Variants in JAK2 observed in about 807,000 individuals in gnomAD.
The protein encoded by JAK2 is tyrosine-protein kinase JAK2.
Under a neutral mutation model 139.3 loss-of-function variants are expected in JAK2, and 86 were observed. The observed-to-expected ratio is 0.62, with a 90% CI of 0.52 to 0.74. The LOEUF (loss-of-function observed/expected upper bound fraction) is 0.74, where lower values mean the gene tolerates loss of function less well. Among genes scored for constraint, JAK2 ranks in the 30% least tolerant of loss-of-function variants. JAK2 has a pLI of 0.00. For synonymous variants in JAK2, 490 were observed against 437.7 expected, an observed-to-expected ratio of 1.12 and a Z score of -1.49; for missense variants, 1,421 against 1,360.3, an observed-to-expected ratio of 1.04 and a Z score of -0.70.
intron 22 of JAK2, among the ~76,000 whole-genome samples, chr9:5,115,516 A>C (rs1823074006): frequency 1.3e-5 from 2 of 152,208 alleles, no homozygotes; most frequent in African/African-American, 4.8e-5. Flanking sequence ...TTCCTCCAGG[A>C]TCCAGAGTTA....
In JAK2 at chr9:5,127,795, T is replaced by C; in HGVS notation, c.*1004T>C. 4.3e-6 allele frequency: 1 copy of C among 232,640 alleles called. No individual in the cohort carries two copies. The highest frequency in any genetic ancestry group is 8.5e-6 in the Non-Finnish European group (1 of 117,298). 14.4% of individuals were successfully genotyped at this position (232,640 alleles called of 1,614,324 possible). ...ATTAAGAAGTGCAGCAGGTTAAGAA[T>C]TTTTTCCTAAAGACTGTATATTTGA... On this transcript the variant is annotated 3_prime_UTR_variant, in exon 25 of 25. Coordinates refer to ENST00000381652, the MANE Select transcript of JAK2 (RefSeq NM_004972.4).
chr9:4,998,848 T>G (rs1820754313), intron 2 of JAK2, among the ~76,000 whole-genome samples: 1 of 152,122 alleles, frequency 6.6e-6, no homozygotes, highest in Non-Finnish European at 1.5e-5. Flanking sequence ...GTTCTTTTTT[T>G]GAGATGGAGT....
intron 2 of JAK2, among the ~76,000 whole-genome samples, chr9:4,999,970 C>G (rs1820836067): frequency 6.6e-6 from 1 of 152,034 alleles, no homozygotes; most frequent in South Asian, 2.1e-4. Context: ...TTCTTGTTTA[C>G]CAGTCAGCTA....
intron 14 of JAK2, among the ~76,000 whole-genome samples, chr9:5,074,774 C>T (rs1049807868): frequency 8.5e-5 from 13 of 152,180 alleles, no homozygotes; most frequent in African/African-American, 2.4e-4. Context: ...AAGCAGCAAA[C>T]GCTGATGTGG....
intron 19 of JAK2, 86 bp from the exon 20 acceptor site, chr9:5,089,588 C>CAAA: frequency 4.6e-6 from 1 of 219,026 alleles, no homozygotes; most frequent in Non-Finnish European, 8.9e-6. Context: ...ATTCCAGCTA[C>CAAA]TAGAATTTTC....
chr9:5,058,209 A>G (rs1350027839), intron 8 of JAK2, among the ~76,000 whole-genome samples: 2 of 152,146 alleles, frequency 1.3e-5, no homozygotes, highest in Non-Finnish European at 2.9e-5. Context: ...TATACCTTCT[A>G]TTAGTCCGTT....
At chr9:5,059,463 T>C (rs575312689) in intron 8 of JAK2, among the ~76,000 whole-genome samples, 38 of 152,292 alleles carry the variant, frequency 2.5e-4, no homozygotes, top group African/African-American at 8.7e-4. Context: ...ATGTATTCTG[T>C]TGATGGACAT....
chr9:5,099,778 C>T (rs994374657), intron 22 of JAK2: 1 of 152,160 alleles, frequency 6.6e-6, no homozygotes, highest in Non-Finnish European at 1.5e-5. Flanking sequence ...AATAATATCC[C>T]TAATTATCTT....
chr9:4,994,548 A>G (rs1460376873), intron 2 of JAK2, among the ~76,000 whole-genome samples: 1 of 152,236 alleles, frequency 6.6e-6, no homozygotes, highest in African/African-American at 2.4e-5. Flanking sequence ...ATTAAGGATC[A>G]TAAATAAAAT....
intron 2 of JAK2, among the ~76,000 whole-genome samples, chr9:4,995,227 C>A (rs925977847): frequency 2.6e-5 from 4 of 152,226 alleles, no homozygotes; most frequent in Admixed American, 6.5e-5. Flanking sequence ...GATTTGTGGT[C>A]CTTTTACTTT....
chr9:4,998,687 A>C (rs1426373791), intron 2 of JAK2, among the ~76,000 whole-genome samples: 1 of 152,032 alleles, frequency 6.6e-6, no homozygotes, highest in Non-Finnish European at 1.5e-5. Context: ...GTCATCATTA[A>C]GCATGATTCT....
chr9:5,024,850 GT>G (rs940007777), intron 3 of JAK2, among the ~76,000 whole-genome samples: 2 of 152,166 alleles, frequency 1.3e-5, no homozygotes, highest in Non-Finnish European at 2.9e-5. Context: ...GAGAAAAACA[GT>G]TTTTTGAGAT....
At chr9:5,087,643 A>C (rs1820234909) in intron 19 of JAK2, among the ~76,000 whole-genome samples, 1 of 152,362 alleles carries the variant, frequency 6.6e-6, no homozygotes, top group African/African-American at 2.4e-5. Flanking sequence ...ACAAGGATTT[A>C]GAAAAAGTAT....
chr9:5,006,020 A>C (rs531596490), intron 2 of JAK2, among the ~76,000 whole-genome samples: 18 of 152,262 alleles, frequency 1.2e-4, no homozygotes, highest in Admixed American at 5.2e-4. Context: ...GTTTTTTCCA[A>C]TTCTGTGAAG....
intron 22 of JAK2, among the ~76,000 whole-genome samples, chr9:5,106,498 C>T (rs1364852726): frequency 6.6e-6 from 1 of 152,190 alleles, no homozygotes; most frequent in African/African-American, 2.4e-5. Context: ...GTGGCGACTC[C>T]TCAAGGATCT....
intron 4 of JAK2, among the ~76,000 whole-genome samples, chr9:5,031,366 TAAAC>T (rs1467841685): frequency 6.6e-6 from 1 of 152,182 alleles, no homozygotes; most frequent in Non-Finnish European, 1.5e-5. Context: ...TTCAGAATCA[TAAAC>T]TAAATAATGA....
chr9:5,113,063 G>C (rs964209742), intron 22 of JAK2, among the ~76,000 whole-genome samples: 5 of 152,046 alleles, frequency 3.3e-5, no homozygotes, highest in Non-Finnish European at 7.4e-5. Flanking sequence ...GGAGCTCCCT[G>C]GGACCCCGGC....
chr9:5,106,953 C>G (rs1822011409), intron 22 of JAK2, among the ~76,000 whole-genome samples: 1 of 152,098 alleles, frequency 6.6e-6, no homozygotes, highest in Non-Finnish European at 1.5e-5. Context: ...ATGGGTGCTG[C>G]AAATCAACAT....
At chr9:5,017,535 C>T (rs1364993688) in intron 2 of JAK2, among the ~76,000 whole-genome samples, 1 of 151,854 alleles carries the variant, frequency 6.6e-6, no homozygotes, top group African/African-American at 2.4e-5. Flanking sequence ...TAGCTTTGGG[C>T]TTTGTTCTTC....
Sources: allele counts gnomAD v4.1 joint callset (sites outside exome capture counted in the v4.1 genomes callset), GRCh38; gene constraint gnomAD v4.1.1; transcripts MANE v1.5; gene names NCBI Gene and HGNC (gene_info 2026-07-23, HGNC 2026-07-21).